Variants in DEUP1 observed in about 807,000 individuals in gnomAD.
DEUP1 encodes deuterosome assembly protein 1.
Under a neutral mutation model 87.4 loss-of-function variants are expected in DEUP1, and 82 were observed. The ratio of observed to expected loss-of-function variants is 0.94; its 90% CI spans 0.78 to 1.13. The LOEUF is 1.13. DEUP1 is among the 50% of genes most tolerant of loss of function. The pLI is 0.00. For synonymous variants in DEUP1, 214 were observed against 222.7 expected (o/e 0.96, Z 0.35); for missense variants, 663 against 681.5 (o/e 0.97, Z 0.30).
At chr11:93,371,390 A>G (rs1368723199) in intron 7 of DEUP1, 110 bp downstream of exon 7, 2 of 1,159,100 alleles carry the variant, frequency 1.7e-6, no homozygotes, top group East Asian at 5.2e-5. Flanking sequence ...AATATATGTG[A>G]AGATTCCATT....
intron 13 of DEUP1, among the ~76,000 whole-genome samples, chr11:93,419,769 T>C (rs1248595635): frequency 2.6e-5 from 4 of 152,034 alleles, no homozygotes; most frequent in Admixed American, 2.6e-4. Flanking sequence ...TTCTTTACTC[T>C]TTATGTTGGC....
intron 13 of DEUP1, among the ~76,000 whole-genome samples, chr11:93,433,521 AAATCAATCAATC>A (rs536059370): frequency 6.6e-6 from 1 of 152,164 alleles, no homozygotes; most frequent in Non-Finnish European, 1.5e-5. Flanking sequence ...CACTGTCTCT[AAATCAATCAATC>A]AATCAATCAA....
At chr11:93,354,004 C>CA (rs1312305849) in intron 2 of DEUP1, among the ~76,000 whole-genome samples, 2 of 152,098 alleles carry the variant, frequency 1.3e-5, no homozygotes, top group Non-Finnish European at 2.9e-5. Flanking sequence ...AATTTCCCCT[C>CA]AAAAAATGGG....
intron 8 of DEUP1, among the ~76,000 whole-genome samples, chr11:93,388,005 T>G (rs1946641573): frequency 6.6e-6 from 1 of 152,172 alleles, no homozygotes; most frequent in South Asian, 2.1e-4. Context: ...AGCAGTATAT[T>G]ATACTCTGAT....
chr11:93,374,505 C>A (rs1355940242), intron 7 of DEUP1, among the ~76,000 whole-genome samples: 1 of 152,078 alleles, frequency 6.6e-6, no homozygotes, highest in Non-Finnish European at 1.5e-5. Flanking sequence ...TTATTCTTGC[C>A]AATTATTCCA....
At chr11:93,407,507 T>C (rs1195536677) in intron 11 of DEUP1, among the ~76,000 whole-genome samples, 2 of 152,142 alleles carry the variant, frequency 1.3e-5, no homozygotes, top group Non-Finnish European at 2.9e-5. Context: ...GCATACATTA[T>C]AATTATATTG....
At chr11:93,385,323 G>T (rs954647783) in intron 7 of DEUP1, 75 bp from the exon 8 acceptor site, 1 of 1,394,888 alleles carries the variant, frequency 7.2e-7, no homozygotes, top group African/African-American at 1.4e-5. Context: ...GTTTATAGAT[G>T]TTAAATATTT....
At chr11:93,351,450 T>C (rs1013610391) in intron 2 of DEUP1, among the ~76,000 whole-genome samples, 1 of 152,208 alleles carries the variant, frequency 6.6e-6, no homozygotes, top group Admixed American at 6.5e-5. Flanking sequence ...CAGACTGATA[T>C]AGTTATTTTT....
intron 11 of DEUP1, among the ~76,000 whole-genome samples, chr11:93,401,293 G>T (rs1393718202): frequency 6.6e-6 from 1 of 152,022 alleles, no homozygotes; most frequent in Non-Finnish European, 1.5e-5. Context: ...AGAAATTGAA[G>T]AGGATAAAAA....
intron 2 of DEUP1, among the ~76,000 whole-genome samples, chr11:93,353,277 G>A (rs1394855677): frequency 6.6e-6 from 1 of 152,174 alleles, no homozygotes; most frequent in African/African-American, 2.4e-5. Flanking sequence ...ATGACTTCAG[G>A]TCTCACATCC....
chr11:93,393,035 C>CTCT (rs1946818002), intron 9 of DEUP1, among the ~76,000 whole-genome samples: 2 of 150,086 alleles, frequency 1.3e-5, no homozygotes, highest in Admixed American at 1.3e-4. Context: ...CCTCCTCCTC[C>CTCT]TCCTTCTACT....
intron 3 of DEUP1, among the ~76,000 whole-genome samples, chr11:93,355,769 A>G (rs1215165738): frequency 1.3e-5 from 2 of 152,254 alleles, no homozygotes; most frequent in Non-Finnish European, 2.9e-5. Context: ...CATAGTGTCA[A>G]TGCCATCTGT....
intron 13 of DEUP1, 155 bp from the exon 14 acceptor site, chr11:93,437,388 G>A (rs1309179787): frequency 1.7e-6 from 1 of 584,128 alleles, no homozygotes; most frequent in Non-Finnish European, 3.0e-6. Context: ...AGTGGTAACT[G>A]AATTACACTA....
At chr11:93,364,134 A>C in intron 4 of DEUP1, 26 bp from the exon 5 acceptor site, 1 of 1,490,826 alleles carries the variant, frequency 6.7e-7, no homozygotes, top group Non-Finnish European at 9.2e-7. Flanking sequence ...TAATAGTAAA[A>C]TGTTAACATT....
Position 93,364,213 on chromosome 11 carries a change from A to G in DEUP1, c.351A>G (p.Gln117=), listed in dbSNP as rs758443374. 6.2e-7 allele frequency: 1 copy of G among 1,607,810 alleles called. No homozygotes were observed. Among genetic ancestry groups the G allele is most frequent in the South Asian group, 1.1e-5 (1 of 90,852 alleles). ...FEKLRLHQMK[Q]NKVPRKELPH... ...AACTGAGATTACATCAGATGAAACAAAACAAAGTTCCACGAAAAGAATTAC... is the reference window on the plus strand; with the variant it reads ...AACTGAGATTACATCAGATGAAACAGAACAAAGTTCCACGAAAAGAATTAC... Residue 117 remains glutamine (Q), a synonymous_variant, in exon 5 of 14, where the codon CAA becomes CAG. Transcript: ENST00000298050.
chr11:93,336,151 G>A (rs1046537765), intron 2 of DEUP1, among the ~76,000 whole-genome samples: 1 of 151,986 alleles, frequency 6.6e-6, no homozygotes, highest in African/African-American at 2.4e-5. Context: ...AAAACAAATA[G>A]GAAGCATAGC....
At chr11:93,408,195 G>A (rs1228486599) in intron 11 of DEUP1, 36 bp from the exon 12 acceptor site, 3 of 1,380,820 alleles carry the variant, frequency 2.2e-6, no homozygotes, top group Admixed American at 5.4e-5. Flanking sequence ...CTTATAAGGG[G>A]CAGTTTATTC....
intron 7 of DEUP1, among the ~76,000 whole-genome samples, chr11:93,384,097 A>G (rs1946423341): frequency 6.6e-6 from 1 of 152,220 alleles, no homozygotes; most frequent in African/African-American, 2.4e-5. Context: ...ACAGCCAAGT[A>G]CTGCTGCAGA....
intron 2 of DEUP1, among the ~76,000 whole-genome samples, chr11:93,348,701 C>G (rs1225388291): frequency 6.6e-6 from 1 of 152,162 alleles, no homozygotes; most frequent in Non-Finnish European, 1.5e-5. Context: ...AAACTTGTTT[C>G]TGCACCTCTG....
Sources: allele counts gnomAD v4.1 joint callset (sites outside exome capture counted in the v4.1 genomes callset), GRCh38; gene constraint gnomAD v4.1.1; transcripts MANE v1.5; gene names NCBI Gene and HGNC (gene_info 2026-07-23, HGNC 2026-07-21).